The following TDRD9 variants were observed in gnomAD, a reference collection of about 807,000 sequenced individuals.
TDRD9 encodes the protein ATP-dependent RNA helicase TDRD9.
In TDRD9, 124 loss-of-function variants were observed where a neutral mutation model predicts 172.6. That is an observed-to-expected ratio of 0.72 (90% CI 0.62 to 0.83). The LOEUF (loss-of-function observed/expected upper bound fraction) is 0.83. TDRD9 is among the 40% of genes least tolerant of loss of function. The probability of loss-of-function intolerance (pLI) is 0.00; values close to 1 mark genes in which losing one functional copy is unlikely to be tolerated. For missense variants in TDRD9, 1,479 were observed against 1,714.1 expected (o/e 0.86, Z 2.42); for synonymous variants, 619 against 617.1 (o/e 1.00, Z -0.05).
intron 2 of TDRD9, among the ~76,000 whole-genome samples, chr14:103,960,107 A>C (rs1055590010): frequency 2.0e-5 from 3 of 152,258 alleles, no homozygotes; most frequent in Admixed American, 6.5e-5. Flanking sequence ...ATACTAGTCC[A>C]TATTTGGAGA....
chr14:103,948,378 C>T (rs2887388), intron 1 of TDRD9, among the ~76,000 whole-genome samples: 143,648 of 152,140 alleles, frequency 0.94, 68,363 homozygotes, highest in East Asian at 1. Flanking sequence ...ATTGGAACCC[C>T]TGTGTACTGT....
intron 7 of TDRD9, among the ~76,000 whole-genome samples, chr14:103,979,915 A>G (rs1463057683): frequency 6.9e-6 from 1 of 145,450 alleles, no homozygotes; most frequent in Non-Finnish European, 1.5e-5. Flanking sequence ...TTGCTCTGTT[A>G]CCTAGGCCGG....
Position 104,025,571 on chromosome 14 carries a change from A to G in TDRD9, c.2726A>G (p.Glu909Gly), listed in dbSNP as rs774258412. ...CCTCCTCTTCCTTTTTAGGTGGTTG[A>G]AGTGGGACACTTTTGGGGATACAGG... Reference protein sequence around the residue: ...LLTIDVTEVVEVGHFWGYRID... With the variant: ...LLTIDVTEVVGVGHFWGYRID... The change falls in exon 26 of 36, where the codon GAA becomes GGA. Residue 909 changes from glutamate to glycine, a missense_variant. By Grantham distance (98) the Glu-to-Gly change is moderately conservative. Coordinates refer to ENST00000409874, the MANE Select transcript of TDRD9 (RefSeq NM_153046.3). 3.7e-6 allele frequency: 6 copies of G among 1,613,814 alleles called. No homozygotes were observed. Among genetic ancestry groups the G allele is most frequent in the Non-Finnish European group, 5.1e-6 (6 of 1,179,804 alleles).
chr14:103,988,694 C>CTTTTTTTT (rs34511631), intron 8 of TDRD9, among the ~76,000 whole-genome samples: 1 of 126,852 alleles, frequency 7.9e-6, no homozygotes. Flanking sequence ...TAGCATTTTA[C>CTTTTTTTT]TTTTTTTTTT....
At chr14:103,949,469 A>G (rs1311591238) in intron 1 of TDRD9, among the ~76,000 whole-genome samples, 1 of 152,246 alleles carries the variant, frequency 6.6e-6, no homozygotes, top group Admixed American at 6.5e-5. Context: ...AATCCAAAAT[A>G]TAGTCAGTTC....
At position 104,017,277 on chromosome 14, in the gene TDRD9, A is replaced by C. The variant is rs185130040; in HGVS notation, c.2332-815A>C. Among the ~76,000 whole-genome samples the C allele has an allele frequency of 1.0e-3, 157 of 151,872 alleles. 1 individual carries two copies. The highest frequency in any genetic ancestry group is 3.4e-3 in the Middle Eastern group (1 of 294). Reference sequence around the variant, plus strand: ...GGGCCCAAAATTACCTAGTGTGTACATCATAAAAGCTCAATAATAGCTGGC... The same window carrying C: ...GGGCCCAAAATTACCTAGTGTGTACCTCATAAAAGCTCAATAATAGCTGGC... On this transcript the variant is annotated intron_variant, in intron 22 of 35. Transcript: ENST00000409874.
chr14:104,033,088 T>C (rs1392296501), intron 30 of TDRD9, among the ~76,000 whole-genome samples: 1 of 152,124 alleles, frequency 6.6e-6, no homozygotes, highest in Non-Finnish European at 1.5e-5. Flanking sequence ...GCCAAGCTTG[T>C]GGTAGACGAG....
chr14:103,995,658 G>C (rs1040373848), intron 11 of TDRD9, 92 bp from the exon 12 acceptor site: 1 of 1,134,684 alleles, frequency 8.8e-7, no homozygotes, highest in Admixed American at 3.0e-5. Context: ...ACATTCAGAA[G>C]CTTTAAAATA....
chr14:104,046,247 G>A (rs1441993882), intron 34 of TDRD9, among the ~76,000 whole-genome samples: 8 of 152,070 alleles, frequency 5.3e-5, no homozygotes, highest in East Asian at 1.9e-4. Flanking sequence ...GAGCCACCGC[G>A]CCTGGCCTAC....
intron 2 of TDRD9, among the ~76,000 whole-genome samples, chr14:103,956,677 A>G (rs2032261888): frequency 6.6e-6 from 1 of 151,808 alleles, no homozygotes; most frequent in Admixed American, 6.5e-5. Context: ...TTTTTTTACA[A>G]TAAAGATATT....
intron 31 of TDRD9, 45 bp downstream of exon 31, chr14:104,034,114 T>C: frequency 8.0e-7 from 1 of 1,250,878 alleles, no homozygotes; most frequent in African/African-American, 1.5e-5. Flanking sequence ...CTTTTTTCTT[T>C]TCCTTGACTT....
Position 103,980,077 on chromosome 14 carries a change from C to T in TDRD9, c.1011+4524C>T, listed in dbSNP as rs960660838. On this transcript the variant is annotated intron_variant, in intron 7 of 35. Coordinates refer to ENST00000409874, the MANE Select transcript of TDRD9 (RefSeq NM_153046.3). This position sits in a 1 kb window ranked among gnomAD's most constrained non-coding sequence, Gnocchi z 4.5. ...ATTTTTTTGTGGAGATAGGGTCTTGCTATGTTGTCCAGGCTGATCTTGAAC... is the reference window on the plus strand; with the variant it reads ...ATTTTTTTGTGGAGATAGGGTCTTGTTATGTTGTCCAGGCTGATCTTGAAC... Among the ~76,000 whole-genome samples the T allele has an allele frequency of 6.6e-6, 1 of 151,984 alleles. No individual in the cohort carries two copies. The highest frequency in any genetic ancestry group is 2.4e-5 in the African/African-American group (1 of 41,374).
At chr14:104,000,926 T>C (rs192633056) in intron 13 of TDRD9, among the ~76,000 whole-genome samples, 50 of 152,366 alleles carry the variant, frequency 3.3e-4, no homozygotes, top group Admixed American at 3.1e-3. Context: ...ATTAGATATT[T>C]ATTATAAAAT....
intron 1 of TDRD9, chr14:103,940,848 T>A (rs1164795218): frequency 6.5e-7 from 1 of 1,535,232 alleles, no homozygotes; most frequent in African/African-American, 1.4e-5. Flanking sequence ...ATATTCTGTG[T>A]GAGAACACTG....
intron 1 of TDRD9, among the ~76,000 whole-genome samples, chr14:103,939,186 C>A (rs1259436356): frequency 6.6e-6 from 1 of 152,020 alleles, no homozygotes; most frequent in Non-Finnish European, 1.5e-5. Flanking sequence ...GCTTGAGGAG[C>A]CTTGGAGAGT....
rs377506139 is a variant in TDRD9, at chr14:104,026,017, C to T, written c.2932-30C>T. 57 of 1,448,132 alleles carry T rather than the reference C, an allele frequency of 3.9e-5. 1 individual carries two copies. The East Asian group carries it at 4.5e-4, about 12-fold the overall frequency. The allele number at this position is 1,448,132 out of a possible 1,614,324, so 89.7% of individuals were successfully genotyped here. A position where few individuals can be genotyped will look rare whatever the true frequency, so the allele number is the denominator to read the frequency against. On this transcript the variant is annotated intron_variant, in intron 26 of 35. Coordinates refer to ENST00000409874, the MANE Select transcript of TDRD9 (RefSeq NM_153046.3). ...GGTAGGGCATTGTTTTTGACCCCGTCGTAAAGTGTATACTTGCTTTATTTT... is the reference window on the plus strand; with the variant it reads ...GGTAGGGCATTGTTTTTGACCCCGTTGTAAAGTGTATACTTGCTTTATTTT...
chr14:104,026,835 G>T lies in TDRD9; in HGVS notation c.3178G>T (p.Val1060Leu). ...VFSVVHSVLH[V>L]DVYQYSGVQD... ...CTCTGTGGTGCACAGCGTCCTGCAC[G>T]TGGATGTGTACCAGTACTCAGGGGT... Residue 1060 changes from valine (V) to leucine (L), a missense_variant, in exon 28 of 36, where the codon GTG becomes TTG. Val to Leu is a conservative substitution (Grantham distance 32). This residue lies in a region of TDRD9 where 1,413 missense variants were observed against 1,649.1 expected (regional missense o/e 0.86). Transcript: ENST00000409874. 2.5e-6 allele frequency: 4 copies of T among 1,614,016 alleles called. No individual in the cohort carries two copies. Among genetic ancestry groups the T allele is most frequent in the Non-Finnish European group, 3.4e-6 (4 of 1,179,882 alleles).
rs1431577884 is a variant in TDRD9 at position 104,034,809 on chromosome 14, G to A, written c.3620-151G>A. On this transcript the variant is annotated intron_variant, in intron 31 of 35. Transcript: ENST00000409874. ...GTACTGTGGAAACAGAGAACAGGGA[G>A]TGTGCGTTACTATTGGGGTGGGCCT... The A allele has an allele frequency of 1.0e-5, 6 of 596,336 alleles. No homozygotes were observed. In the Admixed American group the frequency reaches 1.7e-4, roughly 17 times the overall value. 36.9% of individuals were successfully genotyped at this position (596,336 alleles called of 1,614,324 possible).
chr14:103,998,181 C>T lies in TDRD9; in HGVS notation c.1379-443C>T, dbSNP rs971252312. Among the ~76,000 whole-genome samples, 23 of 146,142 alleles carry T rather than the reference C, an allele frequency of 1.6e-4. No homozygotes were observed. In the East Asian group the frequency reaches 1.7e-3, roughly 11 times the overall value. On this transcript the variant is annotated intron_variant, in intron 12 of 35. Transcript: ENST00000409874. ...ACTTCTACCCACCCACCCACCCACG[C>T]GTACAGATGCACAGATACACACACC...
Sources: allele counts gnomAD v4.1 joint callset (sites outside exome capture counted in the v4.1 genomes callset), GRCh38; gene constraint gnomAD v4.1.1; regional missense constraint gnomAD v4.1.1; non-coding constraint Gnocchi (gnomAD v3.1); transcripts MANE v1.5; gene names NCBI Gene and HGNC (gene_info 2026-07-23, HGNC 2026-07-21).